EXT1: variants seen among roughly 807,000 people sequenced by gnomAD.
EXT1 encodes the protein exostosin-1.
In EXT1, 20 loss-of-function variants were observed where a neutral mutation model predicts 82.5. That is an observed-to-expected ratio of 0.24 (90% CI 0.17 to 0.35). EXT1 has a LOEUF of 0.35. EXT1 is among the 10% of genes least tolerant of loss of function. The pLI, the probability that EXT1 is intolerant of heterozygous loss-of-function variation, is 1.00. For missense variants in EXT1, 757 were observed against 936.5 expected (o/e 0.81, Z 2.50); for synonymous variants, 348 against 350.8 (o/e 0.99, Z 0.09).
chr8:117,987,804 T>C (rs1222500312), intron 1 of EXT1, among the ~76,000 whole-genome samples: 1 of 152,136 alleles, frequency 6.6e-6, no homozygotes, highest in Non-Finnish European at 1.5e-5. Context: ...ATACTGGCTG[T>C]TGGTCAGGTG....
chr8:117,919,506 C>CTTTT (rs34037715), intron 1 of EXT1, among the ~76,000 whole-genome samples: 3 of 141,044 alleles, frequency 2.1e-5, no homozygotes, highest in Non-Finnish European at 4.6e-5. Flanking sequence ...TGAGTTAAAA[C>CTTTT]TTTTTTTTTT....
Position 117,799,990 on chromosome 8 carries a change from C to T in EXT1, c.2056-93G>A, listed in dbSNP as rs1280187001. 3 of 1,375,082 alleles carry T rather than the reference C, an allele frequency of 2.2e-6. No individual in the cohort carries two copies. The African/African-American group carries it at 4.3e-5, about 20-fold the overall frequency. The allele number at this position is 1,375,082 out of a possible 1,614,324, so 85.2% of individuals were successfully genotyped here. Reference sequence around the variant, plus strand: ...AAATGGAGTCAGGCAAATGAGCAAGCAGCAAAGCTTGGGGTCTGGCCCGGC... The same window carrying T: ...AAATGGAGTCAGGCAAATGAGCAAGTAGCAAAGCTTGGGGTCTGGCCCGGC... On this transcript the variant is annotated intron_variant, in intron 10 of 10. Coordinates refer to ENST00000378204, the MANE Select transcript of EXT1 (RefSeq NM_000127.3).
At chr8:117,962,445 CA>C (rs879585224) in intron 1 of EXT1, among the ~76,000 whole-genome samples, 220 of 139,826 alleles carry the variant, frequency 1.6e-3, no homozygotes, top group Non-Finnish European at 1.8e-3. Flanking sequence ...ACCTCATCTC[CA>C]AAAAAAAAAA....
chr8:117,856,052 T>A (rs1224262987), intron 1 of EXT1, among the ~76,000 whole-genome samples: 2 of 152,186 alleles, frequency 1.3e-5, no homozygotes, highest in Non-Finnish European at 2.9e-5. Context: ...TTGAAAGCTA[T>A]GCCTCTCATG....
intron 5 of EXT1, among the ~76,000 whole-genome samples, chr8:117,821,629 A>G (rs1811925806): frequency 1.3e-5 from 2 of 152,220 alleles, no homozygotes; most frequent in Non-Finnish European, 2.9e-5. Context: ...TCATCTCATC[A>G]GTTTCAAACT....
chr8:117,922,113 C>A (rs1813868169), intron 1 of EXT1, among the ~76,000 whole-genome samples: 1 of 152,096 alleles, frequency 6.6e-6, no homozygotes, highest in South Asian at 2.1e-4. Context: ...GAGGTGGCCC[C>A]TTTTGCTTGA....
At chr8:118,005,362 C>G (rs1197830963) in intron 1 of EXT1, among the ~76,000 whole-genome samples, 2 of 152,118 alleles carry the variant, frequency 1.3e-5, no homozygotes, top group African/African-American at 4.8e-5. Flanking sequence ...TTACAAAGCT[C>G]GATTTGCTAC....
chr8:117,873,587 C>T (rs1411563675), intron 1 of EXT1, among the ~76,000 whole-genome samples: 1 of 151,292 alleles, frequency 6.6e-6, no homozygotes, highest in East Asian at 1.9e-4. Flanking sequence ...TCCCGAATAG[C>T]TAGGATTACA....
chr8:117,907,280 A>T (rs1813561181), intron 1 of EXT1, among the ~76,000 whole-genome samples: 1 of 152,204 alleles, frequency 6.6e-6, no homozygotes, highest in South Asian at 2.1e-4. Flanking sequence ...TTCCCTAACA[A>T]CATACTTCTC....
At chr8:118,056,469 T>TC (rs933744621) in intron 1 of EXT1, among the ~76,000 whole-genome samples, 19 of 152,122 alleles carry the variant, frequency 1.2e-4, no homozygotes, top group African/African-American at 4.6e-4. Flanking sequence ...GTGATAAACA[T>TC]CCCCCCTACC....
intron 1 of EXT1, among the ~76,000 whole-genome samples, chr8:117,849,727 C>G (rs1401885503): frequency 6.6e-6 from 1 of 152,008 alleles, no homozygotes; most frequent in African/African-American, 2.4e-5. Flanking sequence ...ACAATGAAAC[C>G]CTGCACAAAT....
intron 1 of EXT1, among the ~76,000 whole-genome samples, chr8:118,013,136 C>G (rs1051219557): frequency 6.6e-6 from 1 of 151,936 alleles, no homozygotes; most frequent in African/African-American, 2.4e-5. Context: ...CAGGCTCAGG[C>G]GATCCTCCCA....
intron 4 of EXT1, among the ~76,000 whole-genome samples, chr8:117,827,906 C>T (rs1027172074): frequency 6.7e-6 from 1 of 149,508 alleles, no homozygotes; most frequent in African/African-American, 2.5e-5. Context: ...ATAATTTGAC[C>T]TTGAGATGAT....
At chr8:117,829,518 T>G (rs142898744) in intron 4 of EXT1, among the ~76,000 whole-genome samples, 2 of 152,052 alleles carry the variant, frequency 1.3e-5, no homozygotes, top group African/African-American at 4.8e-5. Flanking sequence ...ACTACTCATA[T>G]TTTTGGAATG....
chr8:118,012,408 G>T (rs1815919625), intron 1 of EXT1, among the ~76,000 whole-genome samples: 1 of 152,194 alleles, frequency 6.6e-6, no homozygotes, highest in African/African-American at 2.4e-5. Flanking sequence ...GTCCGGGAAG[G>T]TGAAGCTTCC....
rs1563871454 is a variant in EXT1, at chr8:117,799,349, C to T, written c.*363G>A. 1 of 286,790 alleles carries T rather than the reference C, an allele frequency of 3.5e-6. No homozygotes were observed. The highest frequency in any genetic ancestry group is 6.7e-6 in the Non-Finnish European group (1 of 149,582). The allele number at this position is 286,790 out of a possible 1,614,324, so 17.8% of individuals were successfully genotyped here. On this transcript the variant is annotated 3_prime_UTR_variant, in exon 11 of 11. Transcript: ENST00000378204. Reference sequence around the variant, plus strand: ...AAAGGAATAGCAGCTTTGAAATATTCACAACCAACACAATTTTGATTAAAC... The same window carrying T: ...AAAGGAATAGCAGCTTTGAAATATTTACAACCAACACAATTTTGATTAAAC...
At chr8:117,856,268 G>C (rs201246738) in intron 1 of EXT1, among the ~76,000 whole-genome samples, 15 of 129,784 alleles carry the variant, frequency 1.2e-4, no homozygotes, top group Admixed American at 3.8e-4. Context: ...TTTTTTTTTT[G>C]TGGGGGGACG....
intron 1 of EXT1, among the ~76,000 whole-genome samples, chr8:118,009,961 C>T (rs1815861331): frequency 6.6e-6 from 1 of 152,132 alleles, no homozygotes; most frequent in African/African-American, 2.4e-5. Flanking sequence ...GAATTGGGTT[C>T]TAAGAAGTGG....
intron 1 of EXT1, among the ~76,000 whole-genome samples, chr8:117,976,334 AC>A (rs1471785150): frequency 6.6e-6 from 1 of 152,234 alleles, no homozygotes; most frequent in Non-Finnish European, 1.5e-5. Context: ...GTTCATAGAA[AC>A]TTTATTCATA....
Sources: gnomAD v4.1 joint callset for allele counts (sites outside exome capture counted in the v4.1 genomes callset) on GRCh38, gnomAD v4.1.1 for gene constraint, MANE v1.5 for transcripts, NCBI Gene and HGNC (gene_info 2026-07-23, HGNC 2026-07-21) for gene names.